Variants in ARHGAP15 observed in about 807,000 individuals in gnomAD.
ARHGAP15 encodes the protein rho GTPase-activating protein 15.
A neutral mutation model predicts 63.7 loss-of-function variants in ARHGAP15; 51 were observed. The observed-to-expected ratio is 0.80, with a 90% CI of 0.64 to 1.01. The LOEUF (loss-of-function observed/expected upper bound fraction) is 1.01, where lower values mean the gene tolerates loss of function less well. ARHGAP15 is among the 50% of genes least tolerant of loss of function. The pLI is 0.00. For missense variants in ARHGAP15, 560 were observed against 564.6 expected (o/e 0.99, Z 0.08); for synonymous variants, 191 against 193.8 (o/e 0.99, Z 0.12).
intron 2 of ARHGAP15, among the ~76,000 whole-genome samples, chr2:143,165,928 A>AGAAAG (rs1395983382): frequency 6.8e-6 from 1 of 146,186 alleles, no homozygotes; most frequent in Non-Finnish European, 1.5e-5. Context: ...TTTAACGTCA[A>AGAAAG]GAAAGAAAAG....
chr2:143,686,860 A>C (rs1158080147), intron 12 of ARHGAP15, among the ~76,000 whole-genome samples: 1 of 152,166 alleles, frequency 6.6e-6, no homozygotes, highest in African/African-American at 2.4e-5. Flanking sequence ...CAAAAACCTT[A>C]ATTCTTGTTT....
intron 6 of ARHGAP15, among the ~76,000 whole-genome samples, chr2:143,343,051 A>G (rs1368829917): frequency 6.6e-6 from 1 of 152,110 alleles, no homozygotes; most frequent in Non-Finnish European, 1.5e-5. Flanking sequence ...ATATGTTCTC[A>G]GTTCCTACAA....
chr2:143,646,560 C>T (rs1420432869), intron 12 of ARHGAP15, among the ~76,000 whole-genome samples: 1 of 151,936 alleles, frequency 6.6e-6, no homozygotes, highest in Non-Finnish European at 1.5e-5. Context: ...CCTTAGAGAA[C>T]GGTTTGTGTT....
chr2:143,317,574 G>A (rs1683777165), intron 6 of ARHGAP15, among the ~76,000 whole-genome samples: 1 of 152,210 alleles, frequency 6.6e-6, no homozygotes, highest in South Asian at 2.1e-4. Flanking sequence ...AATATCTAGA[G>A]TATTATGCGT....
intron 9 of ARHGAP15, among the ~76,000 whole-genome samples, chr2:143,506,528 A>G (rs946465162): frequency 1.3e-5 from 2 of 152,220 alleles, no homozygotes; most frequent in African/African-American, 4.8e-5. Context: ...TGTAAAGAAC[A>G]TACAAATATG....
At chr2:143,188,849 C>A (rs1345314076) in intron 2 of ARHGAP15, among the ~76,000 whole-genome samples, 1 of 151,870 alleles carries the variant, frequency 6.6e-6, no homozygotes, top group Non-Finnish European at 1.5e-5. Flanking sequence ...TGGTCTCGAA[C>A]CCCTGACCTT....
intron 12 of ARHGAP15, among the ~76,000 whole-genome samples, chr2:143,624,902 T>C (rs77487397): frequency 8.1e-5 from 4 of 49,322 alleles, no homozygotes; most frequent in Non-Finnish European, 2.9e-4. Context: ...TCCTTTTCTG[T>C]TTTTTTTTTA....
chr2:143,230,656 G>A (rs1693397962), intron 5 of ARHGAP15, among the ~76,000 whole-genome samples: 1 of 152,186 alleles, frequency 6.6e-6, no homozygotes, highest in Admixed American at 6.5e-5. Context: ...TGTGCTGCAT[G>A]AATTGACTTG....
At chr2:143,278,142 T>C (rs1014919594) in intron 6 of ARHGAP15, among the ~76,000 whole-genome samples, 2 of 152,200 alleles carry the variant, frequency 1.3e-5, no homozygotes, top group African/African-American at 2.4e-5. Flanking sequence ...AGTGACATCA[T>C]TGACAACACA....
intron 11 of ARHGAP15, among the ~76,000 whole-genome samples, chr2:143,583,766 G>A (rs1256594978): frequency 6.6e-6 from 1 of 152,186 alleles, no homozygotes; most frequent in Non-Finnish European, 1.5e-5. Context: ...ATAATTGTGA[G>A]TAAATGGGAG....
At chr2:143,406,190 A>G (rs903105461) in intron 6 of ARHGAP15, among the ~76,000 whole-genome samples, 1 of 151,794 alleles carries the variant, frequency 6.6e-6, no homozygotes, top group Non-Finnish European at 1.5e-5. Flanking sequence ...ACTAGTTTGT[A>G]TTTTGATCGT....
intron 12 of ARHGAP15, among the ~76,000 whole-genome samples, chr2:143,625,728 T>A (rs1422593951): frequency 6.6e-6 from 1 of 152,220 alleles, no homozygotes; most frequent in Non-Finnish European, 1.5e-5. Flanking sequence ...ACTTACAATG[T>A]TGGAACAGCG....
intron 3 of ARHGAP15, among the ~76,000 whole-genome samples, chr2:143,210,657 A>G (rs1558815931): frequency 6.6e-6 from 1 of 152,180 alleles, no homozygotes; most frequent in Non-Finnish European, 1.5e-5. Context: ...CCATGAAAAC[A>G]TTGCTCAACA....
intron 8 of ARHGAP15, among the ~76,000 whole-genome samples, chr2:143,439,053 T>G (rs1364162648): frequency 1.3e-5 from 2 of 152,156 alleles, no homozygotes; most frequent in Non-Finnish European, 1.5e-5. Flanking sequence ...GAACACTCAC[T>G]ACTTCTCTTT....
At position 143,137,258 on chromosome 2, in the gene ARHGAP15, G is replaced by A. The variant is rs141207300; in HGVS notation, c.-15+7792G>A. 5.9e-4 allele frequency among the ~76,000 whole-genome samples: 90 copies of A among 151,894 alleles called. 1 individual carries two copies. In the East Asian group the frequency reaches 7.0e-3, roughly 12 times the overall value. ...TGTGGTCCATGGGAGTATTGACCTC[G>A]CCTGTCTTTTTACTGCTAAATACCT... On this transcript the variant is annotated intron_variant, in intron 1 of 13. Transcript: ENST00000295095.
chr2:143,713,788 T>C (rs1040791135), intron 13 of ARHGAP15, among the ~76,000 whole-genome samples: 23 of 152,156 alleles, frequency 1.5e-4, no homozygotes, highest in Admixed American at 9.2e-4. Context: ...TCCAAAATGA[T>C]CTCCTTTGAC....
chr2:143,239,304 A>G (rs932551939), intron 5 of ARHGAP15, among the ~76,000 whole-genome samples: 1 of 152,218 alleles, frequency 6.6e-6, no homozygotes, highest in African/African-American at 2.4e-5. Context: ...TTTGTGTGCA[A>G]TGAAAACATT....
chr2:143,227,460 A>T (rs1419273247), intron 4 of ARHGAP15, among the ~76,000 whole-genome samples: 2 of 152,114 alleles, frequency 1.3e-5, no homozygotes, highest in Non-Finnish European at 2.9e-5. Flanking sequence ...TTAATGGAGG[A>T]TAGAGGTGAA....
At chr2:143,510,959 T>C (rs544346325) in intron 9 of ARHGAP15, among the ~76,000 whole-genome samples, 50 of 152,368 alleles carry the variant, frequency 3.3e-4, no homozygotes, top group Middle Eastern at 3.4e-3. Flanking sequence ...TATTTGAACA[T>C]TTAACTGCCT....
Sources: allele counts gnomAD v4.1 joint callset (sites outside exome capture counted in the v4.1 genomes callset), GRCh38; gene constraint gnomAD v4.1.1; transcripts MANE v1.5; gene names NCBI Gene and HGNC (gene_info 2026-07-23, HGNC 2026-07-21).